BBOF1: variants seen among roughly 807,000 people sequenced by gnomAD.
BBOF1 encodes basal body orientation factor 1.
BBOF1 carries 62 observed loss-of-function variants against 68.0 expected under a neutral mutation model. The ratio of observed to expected loss-of-function variants is 0.91; its 90% confidence interval spans 0.74 to 1.13. The LOEUF (loss-of-function observed/expected upper bound fraction) is 1.13, where lower values mean the gene tolerates loss of function less well. Among genes scored for constraint, BBOF1 ranks in the 50% most tolerant of loss-of-function variants. BBOF1 has a pLI of 0.00. For synonymous variants in BBOF1, 208 were observed against 198.8 expected (o/e 1.05, Z -0.39); for missense variants, 534 against 600.1 (o/e 0.89, Z 1.15).
At chr14:74,070,933 T>G, downstream of BBOF1, 1 of 478,218 alleles carries the variant, frequency 2.1e-6, no homozygotes, top group Non-Finnish European at 3.8e-6. Context: ...GAAAAAAGTT[T>G]CTTTTTAATC....
intron 3 of BBOF1, chr14:74,031,875 T>C (rs1427589673): frequency 6.6e-6 from 1 of 152,200 alleles, no homozygotes; most frequent in Admixed American, 6.6e-5. Flanking sequence ...TTCCAGTCTT[T>C]TTCTATTACA....
chr14:74,054,279 G>A (rs1180581809), intron 8 of BBOF1, among the ~76,000 whole-genome samples: 1 of 151,990 alleles, frequency 6.6e-6, no homozygotes, highest in Non-Finnish European at 1.5e-5. Flanking sequence ...CAAATTACTG[G>A]GATTACGGGT....
intron 8 of BBOF1, among the ~76,000 whole-genome samples, chr14:74,052,155 C>A (rs995576395): frequency 6.6e-5 from 10 of 151,600 alleles, no homozygotes; most frequent in African/African-American, 2.2e-4. Context: ...AGGCAGTTTT[C>A]TTTATATCCT....
At chr14:74,068,783 C>T (rs1441695666), downstream of BBOF1, 3 of 1,535,658 alleles carry the variant, frequency 2.0e-6, no homozygotes, top group East Asian at 4.5e-5. Context: ...GATGAGTGGC[C>T]TCTCTGCTGA....
intron 9 of BBOF1, 123 bp from the exon 10 acceptor site, chr14:74,056,783 C>T (rs1190098967): frequency 7.5e-6 from 5 of 664,296 alleles, no homozygotes; most frequent in East Asian, 2.8e-5. Context: ...CCCACAAATA[C>T]GTATACCTAC....
downstream of BBOF1, chr14:74,067,452 C>A: frequency 6.2e-7 from 1 of 1,614,210 alleles, no homozygotes; most frequent in East Asian, 2.2e-5. Flanking sequence ...CCCACAAGGA[C>A]TGCTGTTGAA....
rs200011315 is a variant in BBOF1 at position 74,036,954 on chromosome 14, CT to C, written c.495+2794del. 5.0e-3 allele frequency among the ~76,000 whole-genome samples: 642 copies of C among 129,418 alleles called. 4 individuals carry two copies. Among genetic ancestry groups the C allele is most frequent in the African/African-American group, 0.013 (431 of 32,140 alleles). The allele number at this position is 129,418 out of a possible 152,430, so 84.9% of individuals were successfully genotyped here. A position where few individuals can be genotyped will look rare whatever the true frequency, so the allele number is the denominator to read the frequency against. ...AGATCTTGGCCCATTAAAATATTAT[CT>C]TTTTTTTTTTCTTTTTTCTTTTTTT... On this transcript the variant is annotated intron_variant, in intron 4 of 11. Coordinates refer to ENST00000394009, the MANE Select transcript of BBOF1 (RefSeq NM_025057.3).
intron 2 of BBOF1, among the ~76,000 whole-genome samples, chr14:74,027,385 CTTTTTT>C (rs35107293): frequency 1.6e-5 from 1 of 61,072 alleles, no homozygotes; most frequent in African/African-American, 7.2e-5. Flanking sequence ...CCTCGCCCAG[CTTTTTT>C]TTTTTTTTTT....
rs866764320 is a variant in BBOF1, at chr14:74,042,887, C to G, written c.576+2242C>G. ...ATACACACACACACACAGACACACA[C>G]ACACACACACACACACACACACACT... On this transcript the variant is annotated intron_variant, in intron 5 of 11. Transcript: ENST00000394009. Among the ~76,000 whole-genome samples, 847 of 145,416 alleles carry G rather than the reference C, an allele frequency of 5.8e-3. 8 individuals are homozygous for G. Among genetic ancestry groups the G allele is most frequent in the African/African-American group, 0.022 (798 of 36,050 alleles).
chr14:74,068,692 G>A (rs1030111652), downstream of BBOF1, among the ~76,000 whole-genome samples: 2 of 152,062 alleles, frequency 1.3e-5, no homozygotes, highest in Admixed American at 1.3e-4. Flanking sequence ...GCAGTGAGCC[G>A]AGATCATGCC....
intron 4 of BBOF1, among the ~76,000 whole-genome samples, chr14:74,038,840 C>CA (rs981793432): frequency 2.0e-5 from 3 of 151,408 alleles, no homozygotes; most frequent in Non-Finnish European, 2.9e-5. Context: ...ACCATCTCTA[C>CA]AAAAAAATCA....
chr14:74,043,115 A>G (rs2059864618), intron 5 of BBOF1, among the ~76,000 whole-genome samples: 2 of 151,820 alleles, frequency 1.3e-5, no homozygotes, highest in Non-Finnish European at 2.9e-5. Context: ...CGGCCTGTTC[A>G]TTTACTTTAT....
intron 12 of BBOF1, among the ~76,000 whole-genome samples, chr14:74,081,897 G>T (rs531742119): frequency 6.6e-6 from 1 of 152,082 alleles, no homozygotes; most frequent in Non-Finnish European, 1.5e-5. Flanking sequence ...AGTGCAAGTC[G>T]CTACATCTCT....
At chr14:74,054,335 C>A (rs549852053) in intron 8 of BBOF1, among the ~76,000 whole-genome samples, 1 of 149,208 alleles carries the variant, frequency 6.7e-6, no homozygotes, top group East Asian at 2.0e-4. Context: ...TTCTTGTTCC[C>A]TTTGTCTGTG....
chr14:74,030,307 G>T (rs888006358), intron 3 of BBOF1, among the ~76,000 whole-genome samples: 1 of 151,840 alleles, frequency 6.6e-6, no homozygotes, highest in Non-Finnish European at 1.5e-5. Context: ...CCTTGCCTCA[G>T]CCTCCCGAGT....
chr14:74,030,492 C>T (rs960032552), intron 3 of BBOF1, among the ~76,000 whole-genome samples: 12 of 151,806 alleles, frequency 7.9e-5, no homozygotes, highest in Non-Finnish European at 1.5e-4. Context: ...AGTTGCACGT[C>T]GAGAAATCCA....
intron 4 of BBOF1, among the ~76,000 whole-genome samples, chr14:74,038,033 CTTTT>C (rs2059749084): frequency 6.6e-6 from 1 of 151,142 alleles, no homozygotes; most frequent in Non-Finnish European, 1.5e-5. Flanking sequence ...CCCATTCTGT[CTTTT>C]TTATCTTGTC....
downstream of BBOF1, among the ~76,000 whole-genome samples, chr14:74,070,282 G>T (rs1056427654): frequency 6.6e-6 from 1 of 152,110 alleles, no homozygotes; most frequent in South Asian, 2.1e-4. Flanking sequence ...ACTTTGGGAG[G>T]CCGAGGCGGG....
chr14:74,076,996 T>C (rs1185469353), intron 9 of BBOF1, among the ~76,000 whole-genome samples: 2 of 152,224 alleles, frequency 1.3e-5, no homozygotes, highest in Admixed American at 6.5e-5. Flanking sequence ...AACCAGAGTA[T>C]AGAGCTGCAT....
Sources: allele counts gnomAD v4.1 joint callset (sites outside exome capture counted in the v4.1 genomes callset), GRCh38; gene constraint gnomAD v4.1.1; transcripts MANE v1.5; gene names NCBI Gene and HGNC (gene_info 2026-07-23, HGNC 2026-07-21).